SMIM35: variants seen among roughly 807,000 people sequenced by gnomAD.
SMIM35 encodes small integral membrane protein 35.
At chr11:118,078,577 G>T (rs1484842480) in intron 1 of SMIM35, among the ~76,000 whole-genome samples, 1 of 152,214 alleles carries the variant, frequency 6.6e-6, no homozygotes, top group Non-Finnish European at 1.5e-5. Context: ...GCGCCCCAAA[G>T]TTTGGCCTGT....
intron 1 of SMIM35, among the ~76,000 whole-genome samples, chr11:118,045,940 T>G (rs1021703681): frequency 3.3e-5 from 5 of 152,208 alleles, no homozygotes; most frequent in African/African-American, 1.2e-4. Context: ...TCTCTTATGT[T>G]GAAATGGGGA....
chr11:118,065,623 C>A (rs1744867903), intron 1 of SMIM35, among the ~76,000 whole-genome samples: 1 of 152,158 alleles, frequency 6.6e-6, no homozygotes, highest in South Asian at 2.1e-4. Flanking sequence ...TGGTCTCTCT[C>A]CACAACCAAT....
At chr11:118,029,526 C>A (rs2058301090) in intron 1 of SMIM35, 10 of 396,350 alleles carry the variant, frequency 2.5e-5, no homozygotes, top group South Asian at 1.9e-4. Flanking sequence ...GAAGTTCTGC[C>A]AATAGGAGGC....
At chr11:118,067,953 A>T (rs1024482407) in intron 1 of SMIM35, among the ~76,000 whole-genome samples, 36 of 144,714 alleles carry the variant, frequency 2.5e-4, no homozygotes, top group Admixed American at 4.2e-4. Context: ...AATACACAGA[A>T]ATAGAAGTTT....
intron 1 of SMIM35, among the ~76,000 whole-genome samples, chr11:118,052,681 C>G (rs201239609): frequency 1.2e-4 from 18 of 152,028 alleles, no homozygotes; most frequent in Admixed American, 1.0e-3. Context: ...CCACATCCCA[C>G]GACCCCCACC....
chr11:118,011,496 A>G (rs1300914561), intron 4 of SMIM35, among the ~76,000 whole-genome samples: 1 of 152,160 alleles, frequency 6.6e-6, no homozygotes, highest in Non-Finnish European at 1.5e-5. Context: ...GTTCGGGACC[A>G]GCCTGGCCAA....
intron 1 of SMIM35, among the ~76,000 whole-genome samples, chr11:118,043,088 G>T (rs928642998): frequency 6.6e-6 from 1 of 152,154 alleles, no homozygotes; most frequent in Non-Finnish European, 1.5e-5. Context: ...TCAGTAACAC[G>T]ACGAAGATGT....
rs539230749 is a variant in SMIM35, at chr11:118,005,791, C to T, written c.*619G>A. 5 of 152,718 alleles carry T rather than the reference C, an allele frequency of 3.3e-5. No homozygotes were observed. The highest frequency in any genetic ancestry group is 1.2e-4 in the African/African-American group (5 of 41,598). 9.5% of individuals were successfully genotyped at this position (152,718 alleles called of 1,614,324 possible). ...GCTCTGTCCTGCTCCTCTGCATCCA[C>T]TCCTGCTCCCTCAGTCTAATCTCCA... On this transcript the variant is annotated 3_prime_UTR_variant, in exon 5 of 5. Transcript: ENST00000689828.
Position 118,050,352 on chromosome 11 carries a change from G to C in SMIM35, c.8-34543C>G, listed in dbSNP as rs188329484. On this transcript the variant is annotated intron_variant, in intron 1 of 4. Transcript: ENST00000689828. ...GGTCTGTAAAGACGGGGTGCCAGCT[G>C]GGGGAACCTAGGCCAAGGCCCCTGC... 7.2e-3 allele frequency among the ~76,000 whole-genome samples: 1,092 copies of C among 152,302 alleles called. 7 individuals are homozygous for C. Among genetic ancestry groups the C allele is most frequent in the South Asian group, 0.011 (54 of 4,824 alleles).
intron 1 of SMIM35, among the ~76,000 whole-genome samples, chr11:118,077,794 T>C (rs1347231211): frequency 2.0e-5 from 3 of 152,016 alleles, no homozygotes; most frequent in Non-Finnish European, 4.4e-5. Context: ...GACAGATCTC[T>C]CGAGGTCAGG....
chr11:118,085,304 A>G (rs1176300764), intron 1 of SMIM35, among the ~76,000 whole-genome samples: 3 of 149,272 alleles, frequency 2.0e-5, no homozygotes, highest in African/African-American at 7.4e-5. Context: ...GCTCACTGCA[A>G]CCTCCGCCTC....
At chr11:118,070,616 G>A (rs1045023829) in intron 1 of SMIM35, among the ~76,000 whole-genome samples, 4 of 152,208 alleles carry the variant, frequency 2.6e-5, no homozygotes, top group East Asian at 1.9e-4. Context: ...CTGCCCCAGG[G>A]TGAAATTAAG....
At chr11:118,035,124 G>A (rs573086220) in intron 1 of SMIM35, among the ~76,000 whole-genome samples, 5 of 152,080 alleles carry the variant, frequency 3.3e-5, no homozygotes, top group African/African-American at 1.2e-4. Context: ...GCTAATTTTT[G>A]TATTTTTAGT....
At chr11:118,082,237 G>T (rs1332423997) in intron 1 of SMIM35, among the ~76,000 whole-genome samples, 2 of 152,146 alleles carry the variant, frequency 1.3e-5, no homozygotes, top group Non-Finnish European at 2.9e-5. Flanking sequence ...AACTCTCTGA[G>T]ACATTGTAAT....
chr11:118,008,133 G>A (rs893180889), intron 4 of SMIM35, among the ~76,000 whole-genome samples: 6 of 152,070 alleles, frequency 3.9e-5, no homozygotes, highest in African/African-American at 1.4e-4. Flanking sequence ...GCTTCCCAAA[G>A]TGCTAGGATT....
At chr11:118,075,272 A>G (rs1944646219) in intron 1 of SMIM35, among the ~76,000 whole-genome samples, 1 of 152,242 alleles carries the variant, frequency 6.6e-6, no homozygotes, top group East Asian at 1.9e-4. Flanking sequence ...GCCACCAGCC[A>G]TCAGTAAGGA....
At chr11:118,074,153 A>G (rs1944615981) in intron 1 of SMIM35, among the ~76,000 whole-genome samples, 1 of 152,176 alleles carries the variant, frequency 6.6e-6, no homozygotes, top group African/African-American at 2.4e-5. Flanking sequence ...GTGTGAACAT[A>G]TTGCCGGGCC....
At chr11:118,028,381 G>A (rs1016892289) in intron 1 of SMIM35, among the ~76,000 whole-genome samples, 35 of 152,252 alleles carry the variant, frequency 2.3e-4, no homozygotes, top group Non-Finnish European at 4.6e-4. Flanking sequence ...AGGCCTGTGG[G>A]GACTTGGGAT....
chr11:118,059,135 A>G, intron 1 of SMIM35: 1 of 152,452 alleles, frequency 6.6e-6, no homozygotes, highest in Non-Finnish European at 1.5e-5. Flanking sequence ...TAGGTTCTGC[A>G]GAGGCCAGAG....
Sources: gnomAD v4.1 joint callset for allele counts (sites outside exome capture counted in the v4.1 genomes callset) on GRCh38, gnomAD v4.1.1 for gene constraint, MANE v1.5 for transcripts, NCBI Gene and HGNC (gene_info 2026-07-23, HGNC 2026-07-21) for gene names.